The following ERP29 variants were observed in gnomAD, a reference collection of about 807,000 sequenced individuals.
ERP29 encodes the protein endoplasmic reticulum protein 29, also known as endoplasmic reticulum resident protein 29.
Under a neutral mutation model 21.7 loss-of-function variants are expected in ERP29, and 14 were observed. That is an observed-to-expected ratio of 0.64 (90% CI 0.43 to 1.01). The LOEUF is 1.01. ERP29 is among the 50% of genes least tolerant of loss of function. The pLI is 0.00. For synonymous variants in ERP29, 129 were observed against 139.1 expected (o/e 0.93, Z 0.51); for missense variants, 286 against 327.3 (o/e 0.87, Z 0.97).
In ERP29 at chr12:112,018,530, A is replaced by T. The variant is rs528945041; in HGVS notation, c.145-1226A>T. Among the ~76,000 whole-genome samples, 15 of 152,344 alleles carry T rather than the reference A, an allele frequency of 9.8e-5. No homozygotes were observed. The South Asian group carries it at 3.1e-3, about 32-fold the overall frequency. Reference sequence around the variant, plus strand: ...AACAAAAAGTTGATGGAAGTGAGGAAGGCAGTGTTACCCTAAGGTGGCTTG... The same window carrying T: ...AACAAAAAGTTGATGGAAGTGAGGATGGCAGTGTTACCCTAAGGTGGCTTG... On this transcript the variant is annotated intron_variant, in intron 1 of 2. Coordinates refer to ENST00000261735, the MANE Select transcript of ERP29 (RefSeq NM_006817.4).
chr12:112,013,659 A>C, intron 1 of ERP29, 50 bp downstream of exon 1: 1 of 1,493,534 alleles, frequency 6.7e-7, no homozygotes, highest in Non-Finnish European at 8.9e-7. Context: ...GGCGCCCGGA[A>C]GAGCGCGCGC....
intron 1 of ERP29, among the ~76,000 whole-genome samples, chr12:112,014,195 C>CGTCG (rs1481051120): frequency 1.3e-5 from 2 of 152,212 alleles, no homozygotes; most frequent in African/African-American, 4.8e-5. Context: ...CCACCAGGCC[C>CGTCG]GTCGGTGGCC....
chr12:112,014,243 A>G (rs892046203), intron 1 of ERP29, among the ~76,000 whole-genome samples: 31 of 152,242 alleles, frequency 2.0e-4, no homozygotes, highest in African/African-American at 6.8e-4. Context: ...GGTGAGCGGC[A>G]GGCGAGCTAG....
chr12:112,020,033 T>A, intron 2 of ERP29, 139 bp downstream of exon 2: 1 of 1,039,998 alleles, frequency 9.6e-7, no homozygotes, highest in Non-Finnish European at 1.4e-6. Flanking sequence ...TCATGGTCTC[T>A]AAAGGAATCT....
rs1429896501 is a variant in ERP29, at chr12:112,019,907, C to T, written c.283+13C>T. ...GTGGGGATCTCAGGTATGGACAAGT[C>T]CAGGACGGCTGGGGGGGCAGAGAGG... On this transcript the variant is annotated intron_variant, in intron 2 of 2. Transcript: ENST00000261735. 9 of 1,613,560 alleles carry T rather than the reference C, an allele frequency of 5.6e-6. No individual in the cohort carries two copies. Among genetic ancestry groups the T allele is most frequent in the African/African-American group, 1.3e-5 (1 of 74,878 alleles).
intron 2 of ERP29, among the ~76,000 whole-genome samples, chr12:112,021,863 C>A (rs931857459): frequency 6.6e-6 from 1 of 152,058 alleles, no homozygotes; most frequent in African/African-American, 2.4e-5. Flanking sequence ...ACCCCCAGCA[C>A]CTAGAACAGC....
intron 2 of ERP29, among the ~76,000 whole-genome samples, chr12:112,020,915 T>C (rs979286927): frequency 2.0e-5 from 3 of 152,148 alleles, no homozygotes; most frequent in Non-Finnish European, 4.4e-5. Flanking sequence ...GATTGTGGAA[T>C]TGTTAAGTGG....
rs1271657238 is a variant in ERP29, at chr12:112,013,471, T to C, written c.6T>C (p.Ala2=). The C allele has an allele frequency of 1.9e-6, 3 of 1,611,670 alleles. 1 individual carries two copies. Residue 2 remains alanine (A), a synonymous_variant, in exon 1 of 3, where the codon GCT becomes GCC. Coordinates refer to ENST00000261735, the MANE Select transcript of ERP29 (RefSeq NM_006817.4). ...CTCTGCAGGAACCCGGCGATATGGC[T>C]GCCGCTGTGCCCCGCGCCGCATTTC... is the stretch of plus-strand genomic sequence containing the variant. The part of the protein sequence containing the change: M[A]AAVPRAAFLS...
At chr12:112,016,483 G>A (rs1404300415) in intron 1 of ERP29, among the ~76,000 whole-genome samples, 3 of 152,146 alleles carry the variant, frequency 2.0e-5, no homozygotes, top group African/African-American at 4.8e-5. Context: ...CTCAATGAAC[G>A]AATGAATGAA....
intron 1 of ERP29, chr12:112,014,838 TCCCTGTCGTGGATTTGG>T (rs1471528598): frequency 1.3e-5 from 2 of 152,292 alleles, no homozygotes; most frequent in African/African-American, 4.8e-5. Context: ...TTTCAAGCGT[TCCCTGTCGTGGATTTGG>T]CACTTGCAGC....
chr12:112,015,676 A>T (rs1330366765), intron 1 of ERP29, among the ~76,000 whole-genome samples: 1 of 152,152 alleles, frequency 6.6e-6, no homozygotes, highest in Non-Finnish European at 1.5e-5. Flanking sequence ...CCATAAAGCT[A>T]ACAGTGTTTT....
rs372271511 is a variant in ERP29 at position 112,019,918 on chromosome 12, G to A, written c.283+24G>A. The A allele has an allele frequency of 5.3e-5, 86 of 1,611,648 alleles. 2 individuals carry two copies. In the South Asian group the frequency reaches 6.7e-4, roughly 13 times the overall value. The stretch of plus-strand genomic sequence containing the variant: ...AGGTATGGACAAGTCCAGGACGGCT[G>A]GGGGGGCAGAGAGGGAGGAAGCTAG... On this transcript the variant is annotated intron_variant, in intron 2 of 2. Coordinates refer to ENST00000261735, the MANE Select transcript of ERP29 (RefSeq NM_006817.4).
chr12:112,021,323 G>C (rs2078043787), intron 2 of ERP29, among the ~76,000 whole-genome samples: 1 of 152,096 alleles, frequency 6.6e-6, no homozygotes, highest in African/African-American at 2.4e-5. Context: ...TCTTCACGTA[G>C]CTTGCTCCAG....
chr12:112,015,554 G>A (rs1197355718), intron 1 of ERP29, among the ~76,000 whole-genome samples: 1 of 151,170 alleles, frequency 6.6e-6, no homozygotes, highest in African/African-American at 2.4e-5. Flanking sequence ...ACACCCTACA[G>A]CACCCTATGC....
rs920135948 is a variant in ERP29 at position 112,019,602 on chromosome 12, G to A, written c.145-154G>A. On this transcript the variant is annotated intron_variant, in intron 1 of 2. Transcript: ENST00000261735. The stretch of plus-strand genomic sequence containing the variant: ...TGGCACTCACTAAATTGTTAAATGA[G>A]TCAGTGGGTGAATGAATAAATATTA... 7.1e-6 allele frequency: 6 copies of A among 846,052 alleles called. No individual in the cohort carries two copies. The East Asian group carries it at 1.0e-4, about 15-fold the overall frequency. The allele number at this position is 846,052 out of a possible 1,614,324, so 52.4% of individuals were successfully genotyped here.
At chr12:112,021,615 C>G (rs1285285043) in intron 2 of ERP29, among the ~76,000 whole-genome samples, 1 of 148,440 alleles carries the variant, frequency 6.7e-6, no homozygotes, top group East Asian at 2.1e-4. Flanking sequence ...CCTCCACCTC[C>G]TGGGTTCAAG....
At chr12:112,018,447 T>G (rs762871248) in intron 1 of ERP29, among the ~76,000 whole-genome samples, 1 of 152,174 alleles carries the variant, frequency 6.6e-6, no homozygotes, top group African/African-American at 2.4e-5. Flanking sequence ...CTTGACATGA[T>G]TATTTACAGT....
At chr12:112,015,184 CA>C (rs58875310) in intron 1 of ERP29, 19,053 of 110,120 alleles carry the variant, frequency 0.17, 1,607 homozygotes, top group African/African-American at 0.29. Flanking sequence ...TACTCCGTCT[CA>C]AAAAAAAAAA....
In ERP29 at chr12:112,013,434, T is replaced by TTACC. The variant is rs2077949655; in HGVS notation, c.-26_-23dup. ...GACTCGGGGCGTTCTCCACTATCGC[T>TTACC]TACCTACCTCCCTCTGCAGGAACCC... On this transcript the variant is annotated 5_prime_UTR_variant, in exon 1 of 3. Coordinates refer to ENST00000261735, the MANE Select transcript of ERP29 (RefSeq NM_006817.4). 1 of 1,592,508 alleles carries TTACC rather than the reference T, an allele frequency of 6.3e-7. No individual in the cohort carries two copies. Among genetic ancestry groups the TTACC allele is most frequent in the African/African-American group, 1.3e-5 (1 of 74,348 alleles).
Sources: gnomAD v4.1 joint callset for allele counts (sites outside exome capture counted in the v4.1 genomes callset) on GRCh38, gnomAD v4.1.1 for gene constraint, MANE v1.5 for transcripts, NCBI Gene and HGNC (gene_info 2026-07-23, HGNC 2026-07-21) for gene names.